Variants in GABRB3 observed in about 807,000 individuals in gnomAD.
GABRB3 encodes the protein gamma-aminobutyric acid type A receptor subunit beta3.
Under a neutral mutation model 52.1 loss-of-function variants are expected in GABRB3, and 14 were observed. The ratio of observed to expected loss-of-function variants is 0.27; its 90% CI spans 0.18 to 0.42. GABRB3 has a LOEUF of 0.42. Among genes scored for constraint, GABRB3 ranks in the 10% least tolerant of loss-of-function variants. GABRB3 has a pLI of 1.00. For synonymous variants in GABRB3, 260 were observed against 232.3 expected (o/e 1.12, Z -1.08); for missense variants, 307 against 609.1 (o/e 0.50, Z 5.22).
At chr15:26,687,736 TC>T (rs1318783296) in intron 3 of GABRB3, among the ~76,000 whole-genome samples, 5 of 152,260 alleles carry the variant, frequency 3.3e-5, no homozygotes, top group Non-Finnish European at 7.3e-5. Context: ...ACCGATTGCT[TC>T]TGCTGCCCTG....
intron 4 of GABRB3, among the ~76,000 whole-genome samples, chr15:26,620,904 A>C (rs1892458294): frequency 6.6e-6 from 1 of 152,222 alleles, no homozygotes. Flanking sequence ...CGTAGAGAGT[A>C]AACCCTACAA....
At chr15:26,646,495 A>G (rs961451136) in intron 3 of GABRB3, among the ~76,000 whole-genome samples, 1 of 152,166 alleles carries the variant, frequency 6.6e-6, no homozygotes, top group African/African-American at 2.4e-5. Context: ...CACTTTAGGG[A>G]AATTGTGAAT....
upstream of GABRB3, chr15:26,773,559 C>T: frequency 1.9e-6 from 2 of 1,071,936 alleles, no homozygotes; most frequent in South Asian, 1.4e-5. Flanking sequence ...GCCCGAGAGC[C>T]CCCGGGTGCC....
chr15:26,564,711 A>G (rs144180294), intron 7 of GABRB3, among the ~76,000 whole-genome samples: 2 of 152,344 alleles, frequency 1.3e-5, no homozygotes, highest in African/African-American at 4.8e-5. Context: ...GATTTCTCCA[A>G]TGAAAGCCCT....
intron 7 of GABRB3, 144 bp from the exon 8 acceptor site, chr15:26,561,320 G>A (rs1889977097): frequency 8.7e-7 from 1 of 1,149,952 alleles, no homozygotes; most frequent in Non-Finnish European, 1.3e-6. Flanking sequence ...ATGCAACAGA[G>A]CATACATCTT....
intron 3 of GABRB3, among the ~76,000 whole-genome samples, chr15:26,727,995 G>A (rs943619164): frequency 1.3e-5 from 2 of 152,172 alleles, no homozygotes; most frequent in Non-Finnish European, 2.9e-5. Flanking sequence ...CAATACTTGA[G>A]AGGAGCTGTT....
intron 3 of GABRB3, chr15:26,624,625 G>C (rs1051735505): frequency 1.0e-6 from 1 of 985,548 alleles, no homozygotes; most frequent in East Asian, 1.1e-4. Flanking sequence ...AGACTAGTGG[G>C]TAAGAGCTTA....
intron 3 of GABRB3, among the ~76,000 whole-genome samples, chr15:26,741,215 C>A (rs1430267021): frequency 2.6e-5 from 4 of 152,204 alleles, no homozygotes; most frequent in East Asian, 3.9e-4. Context: ...AATGCAGAAG[C>A]CTTATATGAA....
chr15:26,764,264 A>G (rs917137549), intron 3 of GABRB3, among the ~76,000 whole-genome samples: 1 of 137,720 alleles, frequency 7.3e-6, no homozygotes, highest in Admixed American at 7.6e-5. Flanking sequence ...ATGTGGATTC[A>G]GCAGTTACAT....
At chr15:26,729,399 G>A (rs556703646) in intron 3 of GABRB3, among the ~76,000 whole-genome samples, 9 of 152,168 alleles carry the variant, frequency 5.9e-5, no homozygotes, top group East Asian at 1.9e-4. Context: ...AGGCTGGGGA[G>A]GACTCTGGTG....
intron 3 of GABRB3, among the ~76,000 whole-genome samples, chr15:26,764,999 G>A (rs566948699): frequency 8.8e-4 from 133 of 151,896 alleles, no homozygotes; most frequent in African/African-American, 3.0e-3. Flanking sequence ...GTGTGGTGGC[G>A]GGCACCTGTA....
chr15:26,632,810 C>T (rs1892946994), intron 3 of GABRB3, among the ~76,000 whole-genome samples: 2 of 152,190 alleles, frequency 1.3e-5, no homozygotes, highest in South Asian at 4.1e-4. Context: ...TAAAAATGCT[C>T]CTTTTGCAAA....
intron 3 of GABRB3, among the ~76,000 whole-genome samples, chr15:26,643,454 T>C (rs1893266526): frequency 2.0e-5 from 3 of 152,030 alleles, no homozygotes. Flanking sequence ...AAACAACAGC[T>C]AAGGGTACCA....
intron 3 of GABRB3, among the ~76,000 whole-genome samples, chr15:26,706,924 A>C (rs1889121040): frequency 6.6e-6 from 1 of 152,098 alleles, no homozygotes; most frequent in Admixed American, 6.5e-5. Flanking sequence ...GGAAGTTTGG[A>C]TAGGAAGGAG....
intron 6 of GABRB3, among the ~76,000 whole-genome samples, chr15:26,571,972 G>A (rs1890416434): frequency 6.6e-6 from 1 of 151,382 alleles, no homozygotes; most frequent in African/African-American, 2.4e-5. Context: ...TTTGAACCTG[G>A]GAGGCGGAGG....
At chr15:26,550,225 G>C (rs1297414315) in intron 8 of GABRB3, 1 of 152,176 alleles carries the variant, frequency 6.6e-6, no homozygotes, top group African/African-American at 2.4e-5. Flanking sequence ...CACCCTTGAT[G>C]GAAAGGCTGT....
In GABRB3 at chr15:26,621,680, C is replaced by G; in HGVS notation, c.241-146G>C. On this transcript the variant is annotated intron_variant, in intron 3 of 8. Coordinates refer to ENST00000311550, the MANE Select transcript of GABRB3 (RefSeq NM_000814.6). This position sits in a 1 kb window ranked among gnomAD's most constrained non-coding sequence, Gnocchi z 4.1. ...TGCCATTTTTATGCAGAATGGGAAG[C>G]AATGGCTGCTTTCTTGTGAATGCAA... The G allele has an allele frequency of 1.5e-6, 1 of 658,816 alleles. No homozygotes were observed. Among genetic ancestry groups the G allele is most frequent in the South Asian group, 1.8e-5 (1 of 54,426 alleles). The allele number at this position is 658,816 out of a possible 1,614,324, so 40.8% of individuals were successfully genotyped here.
At chr15:26,768,278 T>C (rs1891051372) in intron 3 of GABRB3, among the ~76,000 whole-genome samples, 1 of 152,186 alleles carries the variant, frequency 6.6e-6, no homozygotes, top group Non-Finnish European at 1.5e-5. Context: ...AATAGCGAAG[T>C]GCAAGTTAAA....
At chr15:26,624,106 T>A (rs1595492451) in intron 3 of GABRB3, 1 of 776,308 alleles carries the variant, frequency 1.3e-6, no homozygotes, top group South Asian at 5.9e-5. Flanking sequence ...GAGTGGTGGG[T>A]AAAGCAAAGG....
Sources: allele counts gnomAD v4.1 joint callset (sites outside exome capture counted in the v4.1 genomes callset), GRCh38; gene constraint gnomAD v4.1.1; non-coding constraint Gnocchi (gnomAD v3.1); transcripts MANE v1.5; gene names NCBI Gene and HGNC (gene_info 2026-07-23, HGNC 2026-07-21).